The following SPTBN4 variants were observed in gnomAD, a reference collection of about 807,000 sequenced individuals.
SPTBN4 encodes the protein spectrin beta, non-erythrocytic 4, also known as spectrin beta chain, non-erythrocytic 4.
SPTBN4 carries 96 observed loss-of-function variants against 277.8 expected under a neutral mutation model. The observed-to-expected ratio is 0.35, with a 90% CI of 0.29 to 0.41. The LOEUF (loss-of-function observed/expected upper bound fraction) is 0.41. Ranked by LOEUF, SPTBN4 falls within the 10% of genes least tolerant of loss-of-function variation. The pLI is 1.00. For missense variants in SPTBN4, 3,006 were observed against 3,595.7 expected (o/e 0.84, Z 4.19); for synonymous variants, 1,481 against 1,580.3 (o/e 0.94, Z 1.49).
In SPTBN4 at chr19:40,549,402, G is replaced by C; in HGVS notation, c.4573G>C (p.Asp1525His). The C allele has an allele frequency of 7.9e-7, 1 of 1,270,040 alleles. No individual in the cohort carries two copies. Among genetic ancestry groups the C allele is most frequent in the South Asian group, 1.3e-5 (1 of 77,718 alleles). 78.7% of individuals were successfully genotyped at this position (1,270,040 alleles called of 1,614,324 possible). A position where few individuals can be genotyped will look rare whatever the true frequency, so the allele number is the denominator to read the frequency against. The change falls in exon 21 of 36, where the codon GAC (aspartate) becomes CAC (histidine). Residue 1525 changes from aspartate to histidine, a missense_variant. Physicochemically the swap from Asp to His is moderately conservative, Grantham distance 81 (BLOSUM62 -1). This residue lies in a region of SPTBN4 where 1,759 missense variants were observed against 2,061.5 expected (regional missense o/e 0.85). Transcript: ENST00000598249. ...KELHQVAHDL[D>H]DELAWVQERL... ...GTTGCACCAGGTGGCGCACGACCTG[G>C]ACGACGAGCTGGTGAGGCCAGCGCA...
rs1356623587 is a variant in SPTBN4, at chr19:40,512,593, TCTC to T, written c.1817-10_1817-8del. On this transcript the variant is annotated splice_polypyrimidine_tract_variant and intron_variant, in intron 13 of 35. Coordinates refer to ENST00000598249, the MANE Select transcript of SPTBN4 (RefSeq NM_020971.3). The stretch of plus-strand genomic sequence containing the variant: ...TGTGACCAATCCTGGATGCTCCCCT[TCTC>T]CTGGCTCAGGCTACCAGCCCTGCGA... 16 of 1,519,830 alleles carry T rather than the reference TCTC, an allele frequency of 1.1e-5. No homozygotes were observed. The South Asian group carries it at 1.1e-4, about 10-fold the overall frequency. The allele number at this position is 1,519,830 out of a possible 1,614,324, so 94.1% of individuals were successfully genotyped here. A position where few individuals can be genotyped will look rare whatever the true frequency, so the allele number is the denominator to read the frequency against.
intron 17 of SPTBN4, among the ~76,000 whole-genome samples, chr19:40,527,434 GAT>G (rs2080606067): frequency 6.6e-6 from 1 of 152,186 alleles, no homozygotes; most frequent in South Asian, 2.1e-4. Context: ...TCATGGAAAT[GAT>G]ATATCCTAGC....
At chr19:40,512,457 G>T (rs978711494) in intron 13 of SPTBN4, 149 bp from the exon 14 acceptor site, 109 of 1,011,950 alleles carry the variant, frequency 1.1e-4, no homozygotes, top group Non-Finnish European at 1.4e-4. Context: ...CAGCCTTGGG[G>T]TGTCAGGGAA....
intron 12 of SPTBN4, among the ~76,000 whole-genome samples, chr19:40,505,737 AG>A: frequency 6.6e-6 from 1 of 151,522 alleles, no homozygotes; most frequent in Non-Finnish European, 1.5e-5. Flanking sequence ...GAAGGAAGGA[AG>A]GAAGGAAGGA....
intron 7 of SPTBN4, among the ~76,000 whole-genome samples, chr19:40,498,317 C>A (rs1029882813): frequency 9.9e-5 from 15 of 152,144 alleles, no homozygotes; most frequent in Non-Finnish European, 1.9e-4. Context: ...GAGCTGTTCA[C>A]TTTCATCTTC....
chr19:40,562,909 C>T (rs116172796), intron 27 of SPTBN4, among the ~76,000 whole-genome samples: 390 of 152,164 alleles, frequency 2.6e-3, no homozygotes, highest in African/African-American at 9.1e-3. Context: ...GCTTGAACAA[C>T]CATCAACATT....
At chr19:40,516,893 G>T (rs912634754) in intron 15 of SPTBN4, among the ~76,000 whole-genome samples, 2 of 152,286 alleles carry the variant, frequency 1.3e-5, no homozygotes, top group East Asian at 3.9e-4. Context: ...CTTCCAAAGA[G>T]CTGGGATTAC....
chr19:40,488,825 A>G (rs527612911), intron 3 of SPTBN4, among the ~76,000 whole-genome samples: 1 of 150,998 alleles, frequency 6.6e-6, no homozygotes, highest in African/African-American at 2.4e-5. Flanking sequence ...CTTTTTTCTT[A>G]ATTTTTTTAT....
At chr19:40,498,055 C>A (rs1191660140) in intron 7 of SPTBN4, among the ~76,000 whole-genome samples, 1 of 152,002 alleles carries the variant, frequency 6.6e-6, no homozygotes, top group African/African-American at 2.4e-5. Flanking sequence ...GCTCCAACTC[C>A]ATTCCTATCC....
At chr19:40,562,163 C>T (rs561932059) in intron 27 of SPTBN4, among the ~76,000 whole-genome samples, 11 of 152,202 alleles carry the variant, frequency 7.2e-5, no homozygotes, top group Non-Finnish European at 1.6e-4. Context: ...TGGTGAGGAG[C>T]ATGCCTTCTC....
chr19:40,548,989 G>A (rs1460846086), intron 20 of SPTBN4, among the ~76,000 whole-genome samples, 200 bp from the exon 21 acceptor site: 1 of 152,220 alleles, frequency 6.6e-6, no homozygotes, highest in Non-Finnish European at 1.5e-5. Flanking sequence ...AACAGCAAAG[G>A]CAAAGGCTCC....
chr19:40,547,935 C>T (rs1869831752), intron 20 of SPTBN4, among the ~76,000 whole-genome samples: 1 of 152,162 alleles, frequency 6.6e-6, no homozygotes, highest in African/African-American at 2.4e-5. Context: ...TCTTTTAGTG[C>T]CTTATGGATT....
At chr19:40,496,065 T>C (rs914692391) in intron 6 of SPTBN4, among the ~76,000 whole-genome samples, 1 of 152,252 alleles carries the variant, frequency 6.6e-6, no homozygotes, top group Non-Finnish European at 1.5e-5. Flanking sequence ...GCACAGGCAC[T>C]GTTCTAAGGG....
In SPTBN4 at chr19:40,554,445, G is replaced by A; in HGVS notation, c.4953+20G>A. On this transcript the variant is annotated intron_variant, in intron 23 of 35. Transcript: ENST00000598249. The surrounding 1 kb of genome is among the most constrained non-coding windows in gnomAD (Gnocchi z 5.7). ...GGCAAGGTGCGCCCGAGCTGGGGGT[G>A]CGGAGGGCCTGGGGGCGCTGGAGCC... is the stretch of plus-strand genomic sequence containing the variant. 2 of 1,535,944 alleles carry A rather than the reference G, an allele frequency of 1.3e-6. No homozygotes were observed. The highest frequency in any genetic ancestry group is 1.8e-6 in the Non-Finnish European group (2 of 1,137,720).
At chr19:40,529,617 G>A (rs2080639598) in intron 18 of SPTBN4, among the ~76,000 whole-genome samples, 1 of 152,138 alleles carries the variant, frequency 6.6e-6, no homozygotes, top group African/African-American at 2.4e-5. Flanking sequence ...ACACATTAGG[G>A]ACGATCTCCC....
rs768352116 is a variant in SPTBN4, at chr19:40,554,640, C to T, written c.5078C>T (p.Pro1693Leu). The T allele has an allele frequency of 6.3e-7, 1 of 1,588,206 alleles. No individual in the cohort carries two copies. Among genetic ancestry groups the T allele is most frequent in the South Asian group, 1.1e-5 (1 of 87,420 alleles). The part of the protein sequence containing the change: ...QCRALLEMGH[P>L]DSEQISRRQS... ...CGGGCGCTGCTGGAGATGGGGCACC[C>T]GGACAGGTGGGCGGGCGCGTGGCCA... Residue 1693 changes from proline (P) to leucine (L), a missense_variant, in exon 24 of 36, where the codon CCG (proline) becomes CTG (leucine). Physicochemically the swap from Pro to Leu is moderately conservative, Grantham distance 98. This residue lies in a region of SPTBN4 where 425 missense variants were observed against 594.7 expected (regional missense o/e 0.71). Coordinates refer to ENST00000598249, the MANE Select transcript of SPTBN4 (RefSeq NM_020971.3). The surrounding 1 kb of genome is among the most constrained non-coding windows in gnomAD (Gnocchi z 5.7).
chr19:40,522,348 A>AAT (rs1336606474), intron 16 of SPTBN4, among the ~76,000 whole-genome samples: 9 of 117,698 alleles, frequency 7.6e-5, no homozygotes, highest in African/African-American at 2.9e-4. Flanking sequence ...ATAGTAACCA[A>AAT]TTTTTTTTTT....
chr19:40,509,153 C>T (rs1030120980), intron 13 of SPTBN4, among the ~76,000 whole-genome samples: 14 of 147,066 alleles, frequency 9.5e-5, no homozygotes, highest in African/African-American at 3.1e-4. Context: ...AACTCCTGGG[C>T]TCAAGCAATC....
At chr19:40,520,280 G>A (rs2080512491) in intron 16 of SPTBN4, 129 bp downstream of exon 16, 2 of 1,019,692 alleles carry the variant, frequency 2.0e-6, no homozygotes, top group East Asian at 3.2e-5. Flanking sequence ...GTGGGTGGGA[G>A]GTGAGAGAGT....
Sources: allele counts gnomAD v4.1 joint callset (sites outside exome capture counted in the v4.1 genomes callset), GRCh38; gene constraint gnomAD v4.1.1; regional missense constraint gnomAD v4.1.1; non-coding constraint Gnocchi (gnomAD v3.1); transcripts MANE v1.5; gene names NCBI Gene and HGNC (gene_info 2026-07-23, HGNC 2026-07-21).